The following LRBA variants were observed in gnomAD, a reference collection of about 807,000 sequenced individuals.
The protein encoded by LRBA is lipopolysaccharide-responsive and beige-like anchor protein.
LRBA carries 176 observed loss-of-function variants against 330.0 expected under a neutral mutation model. The observed-to-expected ratio is 0.53, with a 90% CI of 0.47 to 0.60. The LOEUF (loss-of-function observed/expected upper bound fraction) is 0.60. Ranked by LOEUF, LRBA falls within the 20% of genes least tolerant of loss-of-function variation. LRBA has a pLI of 0.00. For synonymous variants in LRBA, 1,230 were observed against 1,193.0 expected (o/e 1.03, Z -0.64); for missense variants, 3,259 against 3,444.8 (o/e 0.95, Z 1.35).
chr4:150,658,513 C>G (rs572199746), intron 37 of LRBA, among the ~76,000 whole-genome samples: 2 of 28 alleles, frequency 0.071, no homozygotes, highest in African/African-American at 0.2. Flanking sequence ...AAGTCTCCCT[C>G]TCCCTCTCCC....
chr4:150,715,562 A>G (rs1283548121), intron 36 of LRBA, among the ~76,000 whole-genome samples: 1 of 152,248 alleles, frequency 6.6e-6, no homozygotes, highest in Non-Finnish European at 1.5e-5. Flanking sequence ...CATAAAAACT[A>G]CATTGTTTGG....
intron 36 of LRBA, among the ~76,000 whole-genome samples, chr4:150,701,886 C>T (rs1165692211): frequency 6.6e-6 from 1 of 152,092 alleles, no homozygotes; most frequent in Admixed American, 6.6e-5. Flanking sequence ...GAAAGGGGTA[C>T]ATTAATCACT....
chr4:151,014,274 T>C lies in LRBA; in HGVS notation c.216+153A>G, dbSNP rs1745179665. ...AATTCCCTTCAATCTAAAAAACAGA[T>C]GAAATTGTTTCATTTAGGTGAGTAG... is the stretch of plus-strand genomic sequence containing the variant. On this transcript the variant is annotated intron_variant, in intron 2 of 56. Transcript: ENST00000651943. 3 of 600,602 alleles carry C rather than the reference T, an allele frequency of 5.0e-6. No individual in the cohort carries two copies. The South Asian group carries it at 7.1e-5, about 14-fold the overall frequency. 37.2% of individuals were successfully genotyped at this position (600,602 alleles called of 1,614,324 possible).
chr4:150,908,450 T>C lies in LRBA; in HGVS notation c.1377A>G (p.Leu459=). 6.3e-7 allele frequency: 1 copy of C among 1,599,230 alleles called. No individual in the cohort carries two copies. The highest frequency in any genetic ancestry group is 2.2e-5 in the East Asian group (1 of 44,772). ...GCATTGCACTTTGGATGGAATGTGT[T>C]AAAACTGCCTTTACATCCTTGTAAG... ...ALMLQDVKAV[L]THSIQSAMHS... Residue 459 remains leucine, a synonymous_variant, in exon 11 of 57, where the codon TTA becomes TTG. Transcript: ENST00000651943.
intron 38 of LRBA, among the ~76,000 whole-genome samples, chr4:150,597,348 T>C (rs1773616977): frequency 6.6e-6 from 1 of 151,894 alleles, no homozygotes; most frequent in Non-Finnish European, 1.5e-5. Flanking sequence ...CTGTAACTCT[T>C]CAAAATGGTT....
At chr4:150,475,222 C>T (rs573846387) in intron 42 of LRBA, among the ~76,000 whole-genome samples, 2 of 152,144 alleles carry the variant, frequency 1.3e-5, no homozygotes, top group African/African-American at 4.8e-5. Context: ...CGGAAATTGG[C>T]CTATAGCATT....
In LRBA at chr4:150,965,465, G is replaced by A. The variant is rs190320466; in HGVS notation, c.217-36400C>T. On this transcript the variant is annotated intron_variant, in intron 2 of 56. Transcript: ENST00000651943. ...GTTTATAAAAGCCTAAGAAAATTTAGAAGGATACATGAGCTGCTAATAATA... is the reference window on the plus strand; with the variant it reads ...GTTTATAAAAGCCTAAGAAAATTTAAAAGGATACATGAGCTGCTAATAATA... Among the ~76,000 whole-genome samples, 501 of 152,268 alleles carry A rather than the reference G, an allele frequency of 3.3e-3. 3 individuals are homozygous for A. Among genetic ancestry groups the A allele is most frequent in the Non-Finnish European group, 6.1e-3 (418 of 68,010 alleles).
chr4:150,801,498 C>T (rs1159035251), intron 33 of LRBA, among the ~76,000 whole-genome samples: 2 of 152,180 alleles, frequency 1.3e-5, no homozygotes, highest in Non-Finnish European at 2.9e-5. Flanking sequence ...GATTTGCAAA[C>T]ATTTAGAATA....
At chr4:150,640,190 T>C (rs546872222) in intron 37 of LRBA, among the ~76,000 whole-genome samples, 1 of 152,058 alleles carries the variant, frequency 6.6e-6, no homozygotes, top group East Asian at 1.9e-4. Flanking sequence ...AATGCAATCA[T>C]TGTGTAAAGT....
At chr4:150,717,900 T>A (rs190154823) in intron 36 of LRBA, among the ~76,000 whole-genome samples, 1 of 151,958 alleles carries the variant, frequency 6.6e-6, no homozygotes, top group Admixed American at 6.6e-5. Flanking sequence ...TTAACTCACA[T>A]AGATTCCTAA....
intron 47 of LRBA, among the ~76,000 whole-genome samples, chr4:150,364,467 T>G (rs1739154580): frequency 6.6e-6 from 1 of 151,808 alleles, no homozygotes; most frequent in South Asian, 2.1e-4. Flanking sequence ...CAGATTTCTC[T>G]GACTCCTAAA....
chr4:150,842,602 GA>G (rs927754535), intron 28 of LRBA, among the ~76,000 whole-genome samples: 1 of 152,094 alleles, frequency 6.6e-6, no homozygotes, highest in Non-Finnish European at 1.5e-5. Context: ...ATTCCAGGGA[GA>G]AAAAAAGTTG....
Position 150,809,649 on chromosome 4 carries a change from G to A in LRBA, c.5306-1251C>T, listed in dbSNP as rs1190422852. ...ACAGGAGGACTGCTTGAGCTCAGGA[G>A]TTCAAGATTAGCCTGTGAAACACAG... On this transcript the variant is annotated intron_variant, in intron 31 of 56. Coordinates refer to ENST00000651943, the MANE Select transcript of LRBA (RefSeq NM_001364905.1). Among the ~76,000 whole-genome samples the A allele has an allele frequency of 2.0e-5, 3 of 152,158 alleles. No individual in the cohort carries two copies. In the East Asian group the frequency reaches 5.8e-4, roughly 29 times the overall value.
chr4:150,279,912 G>A (rs1380848578), intron 55 of LRBA, among the ~76,000 whole-genome samples: 1 of 152,154 alleles, frequency 6.6e-6, no homozygotes, highest in Non-Finnish European at 1.5e-5. Flanking sequence ...TTAACCTTAT[G>A]GTTGTAGTTC....
At chr4:150,805,335 A>AAAGGAAAGGAAAGGAAAGGAAAGGAG (rs1560841373) in intron 33 of LRBA, among the ~76,000 whole-genome samples, 2 of 129,048 alleles carry the variant, frequency 1.5e-5, no homozygotes, top group African/African-American at 6.6e-5. Flanking sequence ...AAAGGAAAGG[A>AAAGGAAAGGAAAGGAAAGGAAAGGAG]AAGGAGAAGG....
At chr4:150,724,037 G>A (rs1485371556) in intron 36 of LRBA, among the ~76,000 whole-genome samples, 3 of 152,220 alleles carry the variant, frequency 2.0e-5, no homozygotes, top group Admixed American at 2.0e-4. Flanking sequence ...CATAATGACA[G>A]TAGAATAGAA....
intron 46 of LRBA, among the ~76,000 whole-genome samples, chr4:150,423,955 T>A (rs1011569152): frequency 1.3e-5 from 2 of 152,256 alleles, no homozygotes; most frequent in South Asian, 2.1e-4. Context: ...AAATTATGAC[T>A]AAAAGTTGGG....
chr4:150,620,944 T>C (rs1184853918), intron 37 of LRBA, among the ~76,000 whole-genome samples: 1 of 152,150 alleles, frequency 6.6e-6, no homozygotes, highest in African/African-American at 2.4e-5. Flanking sequence ...ACTCCAAAAG[T>C]TGTTGAAATG....
chr4:150,330,300 AC>A (rs1733821742), intron 48 of LRBA, among the ~76,000 whole-genome samples: 2 of 150,954 alleles, frequency 1.3e-5, no homozygotes, highest in Non-Finnish European at 3.0e-5. Context: ...TCTCTAGAAA[AC>A]CCTGTTTGAG....
Sources: allele counts gnomAD v4.1 joint callset (sites outside exome capture counted in the v4.1 genomes callset), GRCh38; gene constraint gnomAD v4.1.1; transcripts MANE v1.5; gene names NCBI Gene and HGNC (gene_info 2026-07-23, HGNC 2026-07-21).